BUD23: variants seen among roughly 807,000 people sequenced by gnomAD.
BUD23 encodes 18S rRNA (guanine-N(7))-methyltransferase.
A neutral mutation model predicts 47.0 loss-of-function variants in BUD23; 34 were observed. The ratio of observed to expected loss-of-function variants is 0.72; its 90% CI spans 0.55 to 0.96. BUD23 has a LOEUF of 0.96. Among genes scored for constraint, BUD23 ranks in the 40% least tolerant of loss-of-function variants. The pLI is 0.00. For synonymous variants in BUD23, 124 were observed against 132.0 expected (o/e 0.94, Z 0.41); for missense variants, 343 against 361.2 (o/e 0.95, Z 0.41).
intron 10 of BUD23, chr7:73,694,666 T>C (rs1798329498): frequency 6.6e-6 from 1 of 152,504 alleles, no homozygotes; most frequent in Non-Finnish European, 1.5e-5. Context: ...TGGTCACTTG[T>C]GACTTTTTTT....
chr7:73,691,093 G>A (rs918922900), intron 6 of BUD23, 81 bp downstream of exon 6: 1 of 1,253,584 alleles, frequency 8.0e-7, no homozygotes, highest in East Asian at 2.3e-5. Context: ...AAATTGAGGT[G>A]TCCCATGATG....
intron 2 of BUD23, among the ~76,000 whole-genome samples, chr7:73,684,628 T>TGGGGGGGGGG (rs1797874176): frequency 3.0e-5 from 1 of 33,246 alleles, no homozygotes; most frequent in African/African-American, 1.2e-4. Flanking sequence ...GGGGGGGGGA[T>TGGGGGGGGGG]GGGGGCGGGG....
At chr7:73,689,152 C>G (rs781851677) in intron 5 of BUD23, among the ~76,000 whole-genome samples, 3 of 152,098 alleles carry the variant, frequency 2.0e-5, no homozygotes, top group Non-Finnish European at 4.4e-5. Context: ...TGGGTTCAAG[C>G]GATTCTCCTG....
In BUD23 at chr7:73,689,326, C is replaced by T. The variant is rs184439639; in HGVS notation, c.363-1590C>T. ...CCTTCCAAAGTGTTGGGATTACAGG[C>T]GTGAGCCACCGCACCCGGCCCAGAC... On this transcript the variant is annotated intron_variant, in intron 5 of 11. Transcript: ENST00000265758. Among the ~76,000 whole-genome samples the T allele has an allele frequency of 2.0e-5, 3 of 151,530 alleles. No homozygotes were observed. In the East Asian group the frequency reaches 5.8e-4, roughly 29 times the overall value.
chr7:73,691,872 T>A (rs141450729), intron 6 of BUD23, among the ~76,000 whole-genome samples: 95 of 152,252 alleles, frequency 6.2e-4, no homozygotes, highest in Non-Finnish European at 1.1e-3. Context: ...CCCAAAGTGA[T>A]GGGATTATAG....
intron 2 of BUD23, among the ~76,000 whole-genome samples, chr7:73,686,435 A>C (rs1428014485): frequency 1.3e-5 from 2 of 152,230 alleles, no homozygotes; most frequent in African/African-American, 4.8e-5. Context: ...CCTGAATTAC[A>C]TGGAATTTTT....
intron 10 of BUD23, chr7:73,694,955 A>C (rs1451469348): frequency 6.6e-6 from 1 of 152,214 alleles, no homozygotes; most frequent in East Asian, 1.9e-4. Context: ...CTCAGTGTCT[A>C]TACCTGGAGT....
At chr7:73,685,850 T>C (rs1322593449) in intron 2 of BUD23, among the ~76,000 whole-genome samples, 5 of 151,116 alleles carry the variant, frequency 3.3e-5, no homozygotes, top group African/African-American at 1.2e-4. Flanking sequence ...CCCAGCACTT[T>C]GGGAGGCCGA....
At chr7:73,697,175 C>T in intron 10 of BUD23, 1 of 473,200 alleles carries the variant, frequency 2.1e-6, no homozygotes, top group South Asian at 2.3e-5. Flanking sequence ...CCTTTTCAGA[C>T]CCTCCTTTCC....
At chr7:73,691,630 T>C (rs1798196792) in intron 6 of BUD23, among the ~76,000 whole-genome samples, 1 of 152,228 alleles carries the variant, frequency 6.6e-6, no homozygotes, top group African/African-American at 2.4e-5. Flanking sequence ...GACAGACTTT[T>C]GCTTTGTTGC....
chr7:73,691,030 T>C lies in BUD23; in HGVS notation c.459+18T>C. On this transcript the variant is annotated intron_variant, in intron 6 of 11. Transcript: ENST00000265758. ...CTGTTCTCGTGAGTATAAGATCTTCTCCCCATCTGGGTTAGCTGCCTGTCC... is the reference window on the plus strand; with the variant it reads ...CTGTTCTCGTGAGTATAAGATCTTCCCCCCATCTGGGTTAGCTGCCTGTCC... The C allele has an allele frequency of 6.2e-7, 1 of 1,610,820 alleles. No individual in the cohort carries two copies. The highest frequency in any genetic ancestry group is 1.3e-5 in the African/African-American group (1 of 74,936).
At chr7:73,691,655 A>G (rs781808122) in intron 6 of BUD23, among the ~76,000 whole-genome samples, 4 of 152,106 alleles carry the variant, frequency 2.6e-5, no homozygotes, top group Non-Finnish European at 4.4e-5. Context: ...GATGGAGTGC[A>G]ATGGTGTGAT....
In BUD23 at chr7:73,697,890, A is replaced by G; in HGVS notation, c.*4A>G. The G allele has an allele frequency of 6.2e-7, 1 of 1,613,072 alleles. No homozygotes were observed. The highest frequency in any genetic ancestry group is 8.5e-7 in the Non-Finnish European group (1 of 1,179,790). On this transcript the variant is annotated 3_prime_UTR_variant, in exon 12 of 12. Coordinates refer to ENST00000265758, the MANE Select transcript of BUD23 (RefSeq NM_017528.5). ...CAAGCGCAAGCCCCGCTTCTAAGTC[A>G]CCACGCGGTTCTGGAAAGGCACTTG...
At chr7:73,683,700 C>G in intron 1 of BUD23, 27 bp downstream of exon 1, 1 of 1,613,960 alleles carries the variant, frequency 6.2e-7, no homozygotes, top group Admixed American at 1.7e-5. Flanking sequence ...GCGGACACCC[C>G]TCTCCCCACT....
Position 73,690,922 on chromosome 7 carries a change from T to G in BUD23, c.369T>G (p.Ser123=), listed in dbSNP as rs1798168445. The change falls in exon 6 of 12, where the codon TCT becomes TCG. Residue 123 remains serine, a synonymous_variant. Coordinates refer to ENST00000265758, the MANE Select transcript of BUD23 (RefSeq NM_017528.5). ...PGTFDGCISI[S]AVQWLCNANK... Reference sequence around the variant, plus strand: ...TAGGTCCCTTCCTTTTTAGCATTTCTGCTGTGCAGTGGCTCTGTAATGCTA... The same window carrying G: ...TAGGTCCCTTCCTTTTTAGCATTTCGGCTGTGCAGTGGCTCTGTAATGCTA... The G allele has an allele frequency of 6.2e-7, 1 of 1,614,056 alleles. No individual in the cohort carries two copies. The highest frequency in any genetic ancestry group is 1.7e-5 in the Admixed American group (1 of 59,994).
At chr7:73,683,985 G>A in intron 2 of BUD23, 181 bp downstream of exon 2, 1 of 1,476,660 alleles carries the variant, frequency 6.8e-7, no homozygotes, top group East Asian at 2.4e-5. Flanking sequence ...CTGGGCCTCG[G>A]TACCTCAGCG....
At position 73,683,823 on chromosome 7, in the gene BUD23, C is replaced by T. The variant is rs1797824269; in HGVS notation, c.86+19C>T. ...TTCGCAAGTGAGGGGAGCCTGAATA[C>T]TGCGGGGCGTCCGGGGGTCGGGAAG... On this transcript the variant is annotated intron_variant, in intron 2 of 11. Transcript: ENST00000265758. 2 of 1,614,050 alleles carry T rather than the reference C, an allele frequency of 1.2e-6. No individual in the cohort carries two copies. Among genetic ancestry groups the T allele is most frequent in the Admixed American group, 1.7e-5 (1 of 59,992 alleles).
rs1554613932 is a variant in BUD23 at position 73,690,965 on chromosome 7, C to T, written c.412C>T (p.Pro138Ser). Residue 138 changes from proline (P) to serine (S), a missense_variant, in exon 6 of 12, where the codon CCT (proline) becomes TCT (serine). Pro to Ser is a moderately conservative substitution (Grantham distance 74). Coordinates refer to ENST00000265758, the MANE Select transcript of BUD23 (RefSeq NM_017528.5). ...LCNANKKSEN[P>S]AKRLYCFFAS... Reference sequence around the variant, plus strand: ...TAATGCTAACAAGAAGTCTGAAAACCCTGCCAAGCGCCTGTACTGCTTTTT... The same window carrying T: ...TAATGCTAACAAGAAGTCTGAAAACTCTGCCAAGCGCCTGTACTGCTTTTT... 1.2e-6 allele frequency: 2 copies of T among 1,614,178 alleles called. No homozygotes were observed.
intron 10 of BUD23, chr7:73,696,965 C>G (rs556517524): frequency 5.6e-6 from 1 of 177,472 alleles, no homozygotes; most frequent in Admixed American, 5.5e-5. Context: ...ACTTTGTACT[C>G]TTTGTAGAAT....
Sources: allele counts gnomAD v4.1 joint callset (sites outside exome capture counted in the v4.1 genomes callset), GRCh38; gene constraint gnomAD v4.1.1; transcripts MANE v1.5; gene names NCBI Gene and HGNC (gene_info 2026-07-23, HGNC 2026-07-21).